The following WDR59 variants were observed in gnomAD, a reference collection of about 807,000 sequenced individuals.
The protein encoded by WDR59 is GATOR2 complex protein WDR59.
A neutral mutation model predicts 131.2 loss-of-function variants in WDR59; 100 were observed. The ratio of observed to expected loss-of-function variants is 0.76; its 90% confidence interval spans 0.65 to 0.90. The LOEUF (loss-of-function observed/expected upper bound fraction) is 0.90. Ranked by LOEUF, WDR59 falls within the 40% of genes least tolerant of loss-of-function variation. The pLI is 0.00. For synonymous variants in WDR59, 601 were observed against 466.2 expected (o/e 1.29, Z -3.72); for missense variants, 1,203 against 1,262.2 (o/e 0.95, Z 0.71).
intron 25 of WDR59, among the ~76,000 whole-genome samples, chr16:74,875,749 C>T (rs1248657548): frequency 6.6e-6 from 1 of 152,200 alleles, no homozygotes; most frequent in Non-Finnish European, 1.5e-5. Context: ...TTGCCCATCT[C>T]CTGCACCACC....
chr16:74,912,469 A>C (rs113568543), intron 13 of WDR59, 107 bp from the exon 14 acceptor site: 10 of 1,198,482 alleles, frequency 8.3e-6, no homozygotes, highest in African/African-American at 7.6e-5. Flanking sequence ...GAATGAAGGG[A>C]AAGAGTCTAC....
intron 21 of WDR59, among the ~76,000 whole-genome samples, chr16:74,888,584 GGC>G (rs1330044935): frequency 2.0e-5 from 3 of 152,214 alleles, no homozygotes. Context: ...CTAACTTTCA[GGC>G]ATGGGCTTAA....
chr16:74,880,010 ACT>A (rs1964402151), intron 25 of WDR59, among the ~76,000 whole-genome samples: 1 of 152,006 alleles, frequency 6.6e-6, no homozygotes, highest in African/African-American at 2.4e-5. Context: ...ACAAAGTGAG[ACT>A]CTGTTTCTAT....
chr16:74,876,634 C>T (rs1210936468), intron 25 of WDR59, among the ~76,000 whole-genome samples: 1 of 152,092 alleles, frequency 6.6e-6, no homozygotes, highest in Non-Finnish European at 1.5e-5. Flanking sequence ...TATTTCATTT[C>T]GTTAATTAGC....
intron 18 of WDR59, 125 bp downstream of exon 18, chr16:74,903,822 A>G (rs1157406412): frequency 8.0e-7 from 1 of 1,246,982 alleles, no homozygotes; most frequent in African/African-American, 1.5e-5. Context: ...TTTCTTGAAC[A>G]AACTGATTAC....
At chr16:74,975,978 C>T (rs1045103027) in intron 1 of WDR59, among the ~76,000 whole-genome samples, 1 of 151,946 alleles carries the variant, frequency 6.6e-6, no homozygotes, top group Admixed American at 6.6e-5. Context: ...CAGTGAGACC[C>T]CCATCTCGAT....
At position 74,965,783 on chromosome 16, in the gene WDR59, C is replaced by A. The variant is rs1416348140; in HGVS notation, c.94G>T (p.Val32Leu). Residue 32 changes from valine to leucine, a missense_variant, in exon 2 of 26, where the codon GTG becomes TTG. Physicochemically the swap from Val to Leu is conservative, Grantham distance 32. Coordinates refer to ENST00000262144, the MANE Select transcript of WDR59 (RefSeq NM_030581.4). ...MSVDCLGQHA[V>L]LSGRRFLYIV... ...GGCAAGCTTACTTACCCAGAAAGCACTGCATGCTGCCCAAGACAGTCCACA... is the reference window on the plus strand; with the variant it reads ...GGCAAGCTTACTTACCCAGAAAGCAATGCATGCTGCCCAAGACAGTCCACA... The A allele has an allele frequency of 3.1e-6, 5 of 1,614,044 alleles. No individual in the cohort carries two copies. The African/African-American group carries it at 6.7e-5, about 22-fold the overall frequency.
rs143741039 is a variant in WDR59, at chr16:74,956,649, C to G, written c.105-39G>C. 4,252 of 1,598,932 alleles carry G rather than the reference C, an allele frequency of 2.7e-3. 8 individuals are homozygous for G. The highest frequency in any genetic ancestry group is 5.0e-3 in the Middle Eastern group (30 of 6,002). The stretch of plus-strand genomic sequence containing the variant: ...TCAACATTATAATAGTATAAAAACA[C>G]AACATCATTAGCATTAAGATAGAAA... On this transcript the variant is annotated intron_variant, in intron 2 of 25. Transcript: ENST00000262144.
chr16:74,925,103 G>C (rs2030645394), intron 8 of WDR59, among the ~76,000 whole-genome samples: 1 of 152,082 alleles, frequency 6.6e-6, no homozygotes, highest in Admixed American at 6.6e-5. Context: ...CCTTAAATGA[G>C]TCAACAGAAA....
chr16:74,912,185 C>T lies in WDR59; in HGVS notation c.1389+13G>A. 1 of 1,614,136 alleles carries T rather than the reference C, an allele frequency of 6.2e-7. No individual in the cohort carries two copies. The highest frequency in any genetic ancestry group is 8.5e-7 in the Non-Finnish European group (1 of 1,180,020). On this transcript the variant is annotated intron_variant, in intron 14 of 25. Transcript: ENST00000262144. ...CAGAACAGCAAGGAGAATTTGGGAA[C>T]CCAGACCCCCACCTTCAGCAGCTTA...
chr16:74,924,463 G>C (rs1221880362), intron 8 of WDR59, among the ~76,000 whole-genome samples: 5 of 152,084 alleles, frequency 3.3e-5, no homozygotes, highest in African/African-American at 4.8e-5. Flanking sequence ...CAAATGTAGA[G>C]GCTATATAAA....
At chr16:74,945,279 A>G (rs541283983) in intron 6 of WDR59, among the ~76,000 whole-genome samples, 1 of 151,960 alleles carries the variant, frequency 6.6e-6, no homozygotes, top group South Asian at 2.1e-4. Context: ...GATCGAGACC[A>G]TCCTGGCTAA....
intron 21 of WDR59, 86 bp downstream of exon 21, chr16:74,889,617 T>C (rs1036547679): frequency 1.9e-6 from 2 of 1,052,366 alleles, no homozygotes; most frequent in East Asian, 2.4e-5. Context: ...CCTCTGCACC[T>C]TTCTCTTAGG....
Position 74,949,933 on chromosome 16 carries a change from G to C in WDR59, c.327-135C>G, listed in dbSNP as rs1430048810. The C allele has an allele frequency of 8.5e-6, 7 of 819,098 alleles. No individual in the cohort carries two copies. The East Asian group carries it at 1.1e-4, about 13-fold the overall frequency. 50.7% of individuals were successfully genotyped at this position (819,098 alleles called of 1,614,324 possible). A position where few individuals can be genotyped will look rare whatever the true frequency, so the allele number is the denominator to read the frequency against. ...GGCTTCTTAATGTGGTTTAGGCTGAGAATCTCCAAAGTTCCTTGGGAACGA... is the reference window on the plus strand; with the variant it reads ...GGCTTCTTAATGTGGTTTAGGCTGACAATCTCCAAAGTTCCTTGGGAACGA... On this transcript the variant is annotated intron_variant, in intron 4 of 25. Transcript: ENST00000262144.
intron 8 of WDR59, among the ~76,000 whole-genome samples, chr16:74,926,176 C>T (rs565770728): frequency 3.6e-4 from 55 of 151,440 alleles, no homozygotes; most frequent in African/African-American, 1.3e-3. Context: ...TCTCCTGCCT[C>T]AGCCTCCCAC....
At chr16:74,889,625 A>G in intron 21 of WDR59, 78 bp downstream of exon 21, 1 of 1,109,354 alleles carries the variant, frequency 9.0e-7, no homozygotes, top group South Asian at 1.4e-5. Flanking sequence ...CCTTTCTCTT[A>G]GGTGGTGACA....
At chr16:74,880,457 T>A (rs1473732172) in intron 25 of WDR59, among the ~76,000 whole-genome samples, 2 of 151,786 alleles carry the variant, frequency 1.3e-5, no homozygotes, top group African/African-American at 4.8e-5. Flanking sequence ...CAAAAATAAA[T>A]AAATTAATTA....
chr16:74,893,834 T>C, intron 18 of WDR59, 22 bp from the exon 19 acceptor site: 1 of 1,612,726 alleles, frequency 6.2e-7, no homozygotes, highest in Non-Finnish European at 8.5e-7. Context: ...TGACAGGATG[T>C]AACTAATGGG....
In WDR59 at chr16:74,945,635, G is replaced by A. The variant is rs550037796; in HGVS notation, c.446-2809C>T. On this transcript the variant is annotated intron_variant, in intron 6 of 25. Coordinates refer to ENST00000262144, the MANE Select transcript of WDR59 (RefSeq NM_030581.4). ...AGTACCTAAAGCAGGTGGTGGCGGG[G>A]GGCAGAGCAGTGGAACTGTTAAGCA... 1.5e-3 allele frequency among the ~76,000 whole-genome samples: 229 copies of A among 152,050 alleles called. 1 individual carries two copies. The highest frequency in any genetic ancestry group is 0.014 in the Admixed American group (221 of 15,256).
Sources: gnomAD v4.1 joint callset for allele counts (sites outside exome capture counted in the v4.1 genomes callset) on GRCh38, gnomAD v4.1.1 for gene constraint, MANE v1.5 for transcripts, NCBI Gene and HGNC (gene_info 2026-07-23, HGNC 2026-07-21) for gene names.